FILIP1: variants seen among roughly 807,000 people sequenced by gnomAD.
FILIP1 encodes filamin A interacting protein 1.
FILIP1 carries 61 observed loss-of-function variants against 102.1 expected under a neutral mutation model. The ratio of observed to expected loss-of-function variants is 0.60; its 90% CI spans 0.49 to 0.74. FILIP1 has a LOEUF of 0.74. Ranked by LOEUF, FILIP1 falls within the 30% of genes least tolerant of loss-of-function variation. FILIP1 has a pLI of 0.00. For missense variants in FILIP1, 1,314 were observed against 1,441.2 expected (o/e 0.91, Z 1.43); for synonymous variants, 491 against 526.9 (o/e 0.93, Z 0.93).
In FILIP1 at chr6:75,302,843, T is replaced by TATGATATGATATG. The variant is rs571307375; in HGVS notation, c.3493+5984_3493+5996dup. ...TATGACATGATATGATATGATATGA[T>TATGATATGATATG]ATGATATGATATGATATGATGTATG... On this transcript the variant is annotated intron_variant, in intron 6 of 6. Transcript: ENST00000393004. Among the ~76,000 whole-genome samples the TATGATATGATATG allele has an allele frequency of 2.7e-4, 41 of 152,104 alleles. No individual in the cohort carries two copies. The East Asian group carries it at 3.7e-3, about 14-fold the overall frequency.
At chr6:75,436,732 G>C (rs964828534) in intron 1 of FILIP1, among the ~76,000 whole-genome samples, 2 of 152,078 alleles carry the variant, frequency 1.3e-5, no homozygotes, top group Non-Finnish European at 2.9e-5. Context: ...CCAGAAGTGC[G>C]GTGACATTTT....
At chr6:75,337,107 A>T (rs931845233) in intron 4 of FILIP1, among the ~76,000 whole-genome samples, 5 of 152,052 alleles carry the variant, frequency 3.3e-5, no homozygotes, top group Non-Finnish European at 7.4e-5. Flanking sequence ...TTTTTCTATG[A>T]ATCATATACA....
chr6:75,443,434 T>C (rs1391749665), intron 1 of FILIP1, among the ~76,000 whole-genome samples: 2 of 152,234 alleles, frequency 1.3e-5, no homozygotes, highest in African/African-American at 4.8e-5. Flanking sequence ...AGTATTTTGG[T>C]AATCTAACAT....
chr6:75,492,410 C>A (rs2149790769), intron 1 of FILIP1, among the ~76,000 whole-genome samples: 1 of 152,194 alleles, frequency 6.6e-6, no homozygotes, highest in East Asian at 1.9e-4. Context: ...TTGATATTAT[C>A]CTTAGACTAA....
chr6:75,440,334 A>G (rs1778169362), intron 1 of FILIP1, among the ~76,000 whole-genome samples: 1 of 152,238 alleles, frequency 6.6e-6, no homozygotes, highest in African/African-American at 2.4e-5. Context: ...TCTGGATTCC[A>G]TCTGCTTTCT....
intron 2 of FILIP1, among the ~76,000 whole-genome samples, chr6:75,399,586 T>C (rs1039140971): frequency 6.6e-6 from 1 of 152,196 alleles, no homozygotes; most frequent in Non-Finnish European, 1.5e-5. Context: ...ATTTTGGAGA[T>C]TCATGCTGAA....
chr6:75,420,424 C>T (rs1314068298), intron 1 of FILIP1, among the ~76,000 whole-genome samples: 2 of 152,018 alleles, frequency 1.3e-5, no homozygotes, highest in East Asian at 1.9e-4. Flanking sequence ...TAGATGGTAA[C>T]CTTTCTTACC....
At chr6:75,331,584 G>A (rs141082614) in intron 4 of FILIP1, among the ~76,000 whole-genome samples, 27 of 152,292 alleles carry the variant, frequency 1.8e-4, no homozygotes, top group African/African-American at 5.8e-4. Context: ...GATGGAGGAA[G>A]TAGTTGTTCA....
chr6:75,375,132 C>T (rs1308426387), intron 2 of FILIP1, among the ~76,000 whole-genome samples: 1 of 152,222 alleles, frequency 6.6e-6, no homozygotes, highest in Non-Finnish European at 1.5e-5. Flanking sequence ...GTCACTCAGT[C>T]TCCCATGTAG....
At chr6:75,483,121 T>G (rs962206843) in intron 1 of FILIP1, among the ~76,000 whole-genome samples, 3 of 152,222 alleles carry the variant, frequency 2.0e-5, no homozygotes, top group African/African-American at 7.2e-5. Context: ...TACATTTTTC[T>G]CTAGGTGTGA....
chr6:75,456,802 C>T (rs1037881450), intron 1 of FILIP1, among the ~76,000 whole-genome samples: 2 of 152,088 alleles, frequency 1.3e-5, no homozygotes, highest in African/African-American at 2.4e-5. Context: ...TCGTGATCCG[C>T]GCGGGTCGGC....
intron 2 of FILIP1, among the ~76,000 whole-genome samples, chr6:75,373,826 T>C (rs1284120046): frequency 6.6e-6 from 1 of 152,052 alleles, no homozygotes; most frequent in Non-Finnish European, 1.5e-5. Context: ...TTGGGCAACA[T>C]GGCAAAACCC....
chr6:75,351,197 G>A (rs1774790877), intron 4 of FILIP1, among the ~76,000 whole-genome samples: 1 of 152,108 alleles, frequency 6.6e-6, no homozygotes, highest in African/African-American at 2.4e-5. Context: ...CTAAGTAGCT[G>A]GGATTACAGG....
chr6:75,292,008 G>A (rs574516632), exon 7 of FILIP1: 1 of 152,172 alleles, frequency 6.6e-6, no homozygotes, highest in East Asian at 1.9e-4. Context: ...GTTTTCATTG[G>A]TTAAATAATT....
In FILIP1 at chr6:75,388,907, G is replaced by C. The variant is rs570703295; in HGVS notation, c.276+25790C>G. Among the ~76,000 whole-genome samples the C allele has an allele frequency of 3.0e-3, 455 of 152,264 alleles. 3 individuals carry two copies. The highest frequency in any genetic ancestry group is 5.4e-3 in the Non-Finnish European group (370 of 68,026). On this transcript the variant is annotated intron_variant, in intron 2 of 5. Coordinates refer to ENST00000237172, the MANE Select transcript of FILIP1 (RefSeq NM_015687.5). ...CCCTGGCTAGAACTTCCAATACTAT[G>C]TTGAATAGGAGTGGTGAGAGAGGGC...
chr6:75,424,018 C>A (rs190146155), intron 1 of FILIP1, among the ~76,000 whole-genome samples: 32 of 152,252 alleles, frequency 2.1e-4, no homozygotes, highest in African/African-American at 7.2e-4. Flanking sequence ...TTGCACCAAT[C>A]ATTTCCTGAC....
At chr6:75,449,028 A>G (rs1478929383) in intron 1 of FILIP1, among the ~76,000 whole-genome samples, 1 of 152,206 alleles carries the variant, frequency 6.6e-6, no homozygotes, top group Non-Finnish European at 1.5e-5. Flanking sequence ...TTGCATATGC[A>G]TGTTTATAGC....
At chr6:75,420,134 A>G (rs1380171674) in intron 1 of FILIP1, among the ~76,000 whole-genome samples, 1 of 152,162 alleles carries the variant, frequency 6.6e-6, no homozygotes, top group Non-Finnish European at 1.5e-5. Flanking sequence ...GAGTCACTGC[A>G]GTGATGTTGT....
At chr6:75,461,229 T>C (rs1212081508) in intron 1 of FILIP1, among the ~76,000 whole-genome samples, 3 of 152,178 alleles carry the variant, frequency 2.0e-5, no homozygotes, top group Non-Finnish European at 4.4e-5. Flanking sequence ...ACCCACTCTA[T>C]AAAATGGTAC....
Sources: allele counts gnomAD v4.1 joint callset (sites outside exome capture counted in the v4.1 genomes callset), GRCh38; gene constraint gnomAD v4.1.1; transcripts MANE v1.5; gene names NCBI Gene and HGNC (gene_info 2026-07-23, HGNC 2026-07-21).